CCDC91: variants seen among roughly 807,000 people sequenced by gnomAD.
CCDC91 encodes the protein coiled-coil domain-containing protein 91.
CCDC91 carries 48 observed loss-of-function variants against 63.2 expected under a neutral mutation model. The observed-to-expected ratio is 0.76, with a 90% CI of 0.60 to 0.97. The LOEUF (loss-of-function observed/expected upper bound fraction) is 0.97, where lower values mean the gene tolerates loss of function less well. Ranked by LOEUF, CCDC91 falls within the 50% of genes least tolerant of loss-of-function variation. The pLI is 0.00. For missense variants in CCDC91, 500 were observed against 494.6 expected (o/e 1.01, Z -0.10); for synonymous variants, 167 against 165.8 (o/e 1.01, Z -0.06).
chr12:28,323,129 ACT>A lies in CCDC91; in HGVS notation c.576+15383_576+15384del, dbSNP rs554362308. On this transcript the variant is annotated intron_variant, in intron 6 of 12. Transcript: ENST00000536442. ...TTTCTACAGTTGATTTAAAAAATTA[ACT>A]CTAGTAAATTTTTTAGTAATGGTGT... 1.0e-3 allele frequency among the ~76,000 whole-genome samples: 155 copies of A among 151,382 alleles called. 1 individual carries two copies. The highest frequency in any genetic ancestry group is 3.4e-3 in the African/African-American group (140 of 41,424).
chr12:28,306,521 T>C (rs1592261759), intron 4 of CCDC91, among the ~76,000 whole-genome samples: 1 of 152,108 alleles, frequency 6.6e-6, no homozygotes, highest in South Asian at 2.1e-4. Flanking sequence ...ATGAATACTT[T>C]AGATTTCAAA....
chr12:28,358,301 C>T (rs1437829546), intron 6 of CCDC91, among the ~76,000 whole-genome samples: 1 of 152,122 alleles, frequency 6.6e-6, no homozygotes, highest in Non-Finnish European at 1.5e-5. Context: ...CTTTTGAAGA[C>T]CAGGTTGTGA....
At chr12:28,342,185 T>C (rs898568651) in intron 6 of CCDC91, among the ~76,000 whole-genome samples, 1 of 152,152 alleles carries the variant, frequency 6.6e-6, no homozygotes, top group African/African-American at 2.4e-5. Flanking sequence ...AAGAACTGAA[T>C]TTTGTCAACA....
intron 3 of CCDC91, among the ~76,000 whole-genome samples, chr12:28,295,028 G>C (rs901800280): frequency 2.0e-5 from 3 of 152,184 alleles, no homozygotes; most frequent in Non-Finnish European, 2.9e-5. Context: ...AGGGTTATCT[G>C]ATTCTAGCCC....
intron 6 of CCDC91, among the ~76,000 whole-genome samples, chr12:28,343,723 A>G (rs1942605531): frequency 6.6e-6 from 1 of 152,146 alleles, no homozygotes; most frequent in Admixed American, 6.5e-5. Context: ...CAAATTTTAT[A>G]CAGCAAATTC....
chr12:28,434,805 CT>C (rs1948819290), intron 8 of CCDC91, among the ~76,000 whole-genome samples: 4 of 151,288 alleles, frequency 2.6e-5, no homozygotes, highest in Non-Finnish European at 4.4e-5. Context: ...GATTAAATTT[CT>C]TTAATAAGTA....
At chr12:28,292,330 C>T (rs1307860798) in intron 3 of CCDC91, among the ~76,000 whole-genome samples, 1 of 152,180 alleles carries the variant, frequency 6.6e-6, no homozygotes, top group Non-Finnish European at 1.5e-5. Context: ...ATTTATTTCA[C>T]CCTTATGGCT....
intron 7 of CCDC91, among the ~76,000 whole-genome samples, chr12:28,367,815 C>T (rs1173747347): frequency 6.6e-6 from 1 of 151,914 alleles, no homozygotes; most frequent in Non-Finnish European, 1.5e-5. Flanking sequence ...TTAACATTTA[C>T]ATCTGTGAAC....
intron 1 of CCDC91, among the ~76,000 whole-genome samples, chr12:28,252,434 G>T (rs538817655): frequency 4.0e-5 from 6 of 151,828 alleles, no homozygotes; most frequent in African/African-American, 1.4e-4. Flanking sequence ...GCTGGATCTT[G>T]TAACTTTTTT....
chr12:28,352,711 A>G (rs999210524), intron 6 of CCDC91, among the ~76,000 whole-genome samples: 1 of 152,202 alleles, frequency 6.6e-6, no homozygotes, highest in African/African-American at 2.4e-5. Flanking sequence ...GTTCTCAACA[A>G]TGGTCTTAAA....
chr12:28,492,622 C>T lies in CCDC91; in HGVS notation c.1215+8457C>T, dbSNP rs141901377. Among the ~76,000 whole-genome samples the T allele has an allele frequency of 2.2e-3, 337 of 151,064 alleles. 6 individuals are homozygous for T. Among genetic ancestry groups the T allele is most frequent in the African/African-American group, 7.6e-3 (313 of 41,232 alleles). On this transcript the variant is annotated intron_variant, in intron 12 of 12. Transcript: ENST00000536442. ...ATATCTGAAGAAAATTATTAAAGCC[C>T]GCAGTAGTTAGAACCAGTGAAGAGT... is the stretch of plus-strand genomic sequence containing the variant.
intron 6 of CCDC91, among the ~76,000 whole-genome samples, chr12:28,308,402 G>A (rs181832429): frequency 6.6e-6 from 1 of 151,862 alleles, no homozygotes; most frequent in Non-Finnish European, 1.5e-5. Context: ...CACTGCCCAC[G>A]TGCAGACCAT....
intron 8 of CCDC91, among the ~76,000 whole-genome samples, chr12:28,428,424 G>A (rs1328251961): frequency 4.0e-5 from 6 of 151,688 alleles, no homozygotes; most frequent in Non-Finnish European, 8.8e-5. Flanking sequence ...TACAAAATTA[G>A]CCAGGCTTGG....
At chr12:28,438,320 C>T (rs1052059952) in intron 8 of CCDC91, among the ~76,000 whole-genome samples, 1 of 152,058 alleles carries the variant, frequency 6.6e-6, no homozygotes, top group African/African-American at 2.4e-5. Context: ...GCTTGAGGGG[C>T]AAGTTTGGCT....
At chr12:28,334,609 A>G (rs888480849) in intron 6 of CCDC91, among the ~76,000 whole-genome samples, 13 of 152,188 alleles carry the variant, frequency 8.5e-5, no homozygotes, top group African/African-American at 3.1e-4. Flanking sequence ...CTCCTTGCAC[A>G]TAAATTCTGG....
chr12:28,440,383 T>A (rs1949123427), intron 8 of CCDC91, among the ~76,000 whole-genome samples: 1 of 152,202 alleles, frequency 6.6e-6, no homozygotes, highest in African/African-American at 2.4e-5. Context: ...ACCCAGTTCG[T>A]ATACAAACCA....
Position 28,528,348 on chromosome 12 carries a change from A to C in CCDC91, c.1216-20715A>C, listed in dbSNP as rs1246374163. Reference sequence around the variant, plus strand: ...GTATTTCCCTTGGCTCTCTAAATTGACTCAGTTCCAGTTAAGGTTAGAATC... The same window carrying C: ...GTATTTCCCTTGGCTCTCTAAATTGCCTCAGTTCCAGTTAAGGTTAGAATC... On this transcript the variant is annotated intron_variant, in intron 12 of 12. Transcript: ENST00000536442. Among the ~76,000 whole-genome samples the C allele has an allele frequency of 3.3e-5, 5 of 151,744 alleles. 1 individual carries two copies. The East Asian group carries it at 9.7e-4, about 29-fold the overall frequency.
rs200460880 is a variant in CCDC91 at position 28,517,802 on chromosome 12, CT to C, written c.1216-31260del. On this transcript the variant is annotated intron_variant, in intron 12 of 12. Coordinates refer to ENST00000536442, the MANE Select transcript of CCDC91 (RefSeq NM_018318.5). The stretch of plus-strand genomic sequence containing the variant: ...CTCACCTCCTTCCCACCCTTTCCCC[CT>C]GAGTCCCGAAAGTCCACTGTGTCAT... Among the ~76,000 whole-genome samples, 1,006 of 152,012 alleles carry C rather than the reference CT, an allele frequency of 6.6e-3. 17 individuals are homozygous for C. Among genetic ancestry groups the C allele is most frequent in the African/African-American group, 0.022 (930 of 41,520 alleles).
chr12:28,200,731 C>A (rs924591661), intron 1 of CCDC91, among the ~76,000 whole-genome samples: 1 of 151,790 alleles, frequency 6.6e-6, no homozygotes, highest in East Asian at 1.9e-4. Context: ...ACCTTTCCCC[C>A]CTTTCTATTC....
Sources: allele counts gnomAD v4.1 joint callset (sites outside exome capture counted in the v4.1 genomes callset), GRCh38; gene constraint gnomAD v4.1.1; transcripts MANE v1.5; gene names NCBI Gene and HGNC (gene_info 2026-07-23, HGNC 2026-07-21).